The following NDST4 variants were observed in gnomAD, a reference collection of about 807,000 sequenced individuals.
The protein encoded by NDST4 is N-heparan sulfate sulfotransferase 4.
In NDST4, 63 loss-of-function variants were observed where a neutral mutation model predicts 100.8. The ratio of observed to expected loss-of-function variants is 0.62; its 90% CI spans 0.51 to 0.77. The LOEUF is 0.77. NDST4 is among the 30% of genes least tolerant of loss of function. The pLI is 0.00. For missense variants in NDST4, 943 were observed against 1,018.4 expected (o/e 0.93, Z 1.01); for synonymous variants, 377 against 361.8 (o/e 1.04, Z -0.48).
intron 2 of NDST4, among the ~76,000 whole-genome samples, chr4:114,983,355 A>T (rs117925286): frequency 6.6e-6 from 1 of 152,334 alleles, no homozygotes; most frequent in East Asian, 1.9e-4. Context: ...CACAGGGCAG[A>T]GTTGCCCAGG....
chr4:115,039,798 A>G (rs1184934753), intron 2 of NDST4, among the ~76,000 whole-genome samples: 1 of 152,138 alleles, frequency 6.6e-6, no homozygotes, highest in Non-Finnish European at 1.5e-5. Context: ...GCACACACAC[A>G]TATATACTTA....
chr4:114,905,000 C>T (rs1724919799), intron 6 of NDST4, among the ~76,000 whole-genome samples: 1 of 151,858 alleles, frequency 6.6e-6, no homozygotes, highest in Non-Finnish European at 1.5e-5. Flanking sequence ...ATTTTGCCTA[C>T]AGCATCAAAC....
chr4:115,006,682 C>T (rs1053918760), intron 2 of NDST4, among the ~76,000 whole-genome samples: 1 of 152,042 alleles, frequency 6.6e-6, no homozygotes, highest in African/African-American at 2.4e-5. Flanking sequence ...AATAGTCAAG[C>T]TGAGACACCC....
chr4:114,993,407 T>G (rs1220352007), intron 2 of NDST4, among the ~76,000 whole-genome samples: 1 of 151,914 alleles, frequency 6.6e-6, no homozygotes, highest in Non-Finnish European at 1.5e-5. Flanking sequence ...ATTGTTTCTG[T>G]TTTAAGTAAT....
At chr4:114,839,625 A>G (rs1723384736) in intron 10 of NDST4, 77 bp from the exon 11 acceptor site, 1 of 1,316,768 alleles carries the variant, frequency 7.6e-7, no homozygotes, top group South Asian at 1.4e-5. Context: ...ATGGGTGAGC[A>G]CATGCATGTG....
intron 2 of NDST4, among the ~76,000 whole-genome samples, chr4:115,012,504 C>G (rs1727571588): frequency 6.6e-6 from 1 of 151,948 alleles, no homozygotes; most frequent in African/African-American, 2.4e-5. Context: ...TTTACTTACC[C>G]AAATTAAGTA....
rs1025847797 is a variant in NDST4 at position 114,875,347 on chromosome 4, G to A, written c.1537-4397C>T. On this transcript the variant is annotated intron_variant, in intron 6 of 13. Coordinates refer to ENST00000264363, the MANE Select transcript of NDST4 (RefSeq NM_022569.3). ...AATATACAAGCAAGCTTATGGGCAC[G>A]TTCATAGTCTATTCATTAGAAACAT... is the stretch of plus-strand genomic sequence containing the variant. 5.6e-4 allele frequency among the ~76,000 whole-genome samples: 85 copies of A among 152,076 alleles called. 1 individual carries two copies. The highest frequency in any genetic ancestry group is 1.5e-4 in the Non-Finnish European group (10 of 68,006).
At chr4:114,933,053 G>A (rs1339380412) in intron 6 of NDST4, among the ~76,000 whole-genome samples, 1 of 152,080 alleles carries the variant, frequency 6.6e-6, no homozygotes, top group African/African-American at 2.4e-5. Flanking sequence ...GAGACATCAT[G>A]TTATCTATCA....
At chr4:114,923,933 C>T (rs868560467) in intron 6 of NDST4, among the ~76,000 whole-genome samples, 43 of 150,896 alleles carry the variant, frequency 2.8e-4, no homozygotes, top group African/African-American at 8.8e-4. Context: ...TCGATGGAAA[C>T]AAAATTGAAA....
intron 2 of NDST4, among the ~76,000 whole-genome samples, chr4:115,075,715 T>C (rs1034880220): frequency 1.5e-5 from 2 of 135,546 alleles, no homozygotes; most frequent in Non-Finnish European, 3.0e-5. Flanking sequence ...ACCCAGGAGG[T>C]AGAGGTTTCA....
At chr4:115,074,035 T>C (rs1729130959) in intron 2 of NDST4, among the ~76,000 whole-genome samples, 2 of 151,872 alleles carry the variant, frequency 1.3e-5, no homozygotes, top group Non-Finnish European at 2.9e-5. Flanking sequence ...TTAATATGTG[T>C]ACATAAATAA....
At chr4:114,995,051 T>A (rs1403886706) in intron 2 of NDST4, among the ~76,000 whole-genome samples, 1 of 152,062 alleles carries the variant, frequency 6.6e-6, no homozygotes, top group Non-Finnish European at 1.5e-5. Flanking sequence ...CACTAAAATG[T>A]GTGTTGAACT....
intron 2 of NDST4, among the ~76,000 whole-genome samples, chr4:115,036,584 A>G (rs1294070524): frequency 6.6e-6 from 1 of 151,898 alleles, no homozygotes; most frequent in Admixed American, 6.6e-5. Flanking sequence ...TAATTCTGAC[A>G]CAAGAGTTTA....
At chr4:114,973,300 G>A (rs905969333) in intron 3 of NDST4, among the ~76,000 whole-genome samples, 1 of 150,904 alleles carries the variant, frequency 6.6e-6, no homozygotes, top group Non-Finnish European at 1.5e-5. Flanking sequence ...TAAAGTATAT[G>A]TGGAAATATC....
chr4:115,098,728 T>C (rs988870731), intron 1 of NDST4, among the ~76,000 whole-genome samples: 6 of 152,136 alleles, frequency 3.9e-5, no homozygotes, highest in Admixed American at 3.9e-4. Flanking sequence ...AGGTTCCCCC[T>C]CTGTCACCCA....
rs62315264 is a variant in NDST4, at chr4:114,872,876, G to A, written c.1537-1926C>T. ...GACATATAATATAACTGAAACCTTCGCCAAAACATATATATACATTGAGTT... is the reference window on the plus strand; with the variant it reads ...GACATATAATATAACTGAAACCTTCACCAAAACATATATATACATTGAGTT... On this transcript the variant is annotated intron_variant, in intron 6 of 13. Coordinates refer to ENST00000264363, the MANE Select transcript of NDST4 (RefSeq NM_022569.3). Among the ~76,000 whole-genome samples the A allele has an allele frequency of 9.3e-3, 1,412 of 151,870 alleles. 11 individuals carry two copies. The highest frequency in any genetic ancestry group is 0.014 in the Non-Finnish European group (927 of 67,844).
rs75076444 is a variant in NDST4, at chr4:115,083,178, T to C, written c.-246-5896A>G. Among the ~76,000 whole-genome samples the C allele has an allele frequency of 3.7e-3, 565 of 152,300 alleles. 3 individuals carry two copies. The highest frequency in any genetic ancestry group is 4.8e-3 in the South Asian group (23 of 4,828). Reference sequence around the variant, plus strand: ...TTAAAGCTGTTACCTAGGCCAGGCATTGTGGCTCACACATGTAATTCCAGC... The same window carrying C: ...TTAAAGCTGTTACCTAGGCCAGGCACTGTGGCTCACACATGTAATTCCAGC... On this transcript the variant is annotated intron_variant, in intron 1 of 13. Coordinates refer to ENST00000264363, the MANE Select transcript of NDST4 (RefSeq NM_022569.3).
intron 1 of NDST4, among the ~76,000 whole-genome samples, chr4:115,108,780 T>C (rs960332134): frequency 6.6e-6 from 1 of 151,960 alleles, no homozygotes; most frequent in Admixed American, 6.6e-5. Context: ...TTTCCTTGAT[T>C]GCTTATTGCA....
intron 7 of NDST4, among the ~76,000 whole-genome samples, chr4:114,856,690 C>T (rs1358733380): frequency 6.6e-6 from 1 of 152,170 alleles, no homozygotes; most frequent in South Asian, 2.1e-4. Context: ...ATCACCCTGG[C>T]ATTCTGCAGA....
Sources: allele counts gnomAD v4.1 joint callset (sites outside exome capture counted in the v4.1 genomes callset), GRCh38; gene constraint gnomAD v4.1.1; transcripts MANE v1.5; gene names NCBI Gene and HGNC (gene_info 2026-07-23, HGNC 2026-07-21).